NHSL1: variants seen among roughly 807,000 people sequenced by gnomAD.
NHSL1 encodes the protein NHS-like protein 1.
In NHSL1, 48 loss-of-function variants were observed where a neutral mutation model predicts 95.0. That is an observed-to-expected ratio of 0.51 (90% CI 0.40 to 0.64). The LOEUF is 0.64. Among genes scored for constraint, NHSL1 ranks in the 30% least tolerant of loss-of-function variants. The pLI, the probability that NHSL1 is intolerant of heterozygous loss-of-function variation, is 0.00. For missense variants in NHSL1, 1,971 were observed against 2,077.7 expected (o/e 0.95, Z 1.00); for synonymous variants, 783 against 833.9 (o/e 0.94, Z 1.05).
At chr6:138,642,739 G>A (rs887840021) in intron 1 of NHSL1, among the ~76,000 whole-genome samples, 1 of 152,128 alleles carries the variant, frequency 6.6e-6, no homozygotes, top group Non-Finnish European at 1.5e-5. Context: ...GCAGTGAAGA[G>A]GGCGAGCAGC....
chr6:138,606,626 T>C (rs1784436890), intron 1 of NHSL1, among the ~76,000 whole-genome samples: 1 of 152,114 alleles, frequency 6.6e-6, no homozygotes, highest in Non-Finnish European at 1.5e-5. Flanking sequence ...ATGCCATTTA[T>C]TGCCTCCGTG....
chr6:138,555,350 T>A (rs149124601), intron 1 of NHSL1, among the ~76,000 whole-genome samples: 1 of 152,342 alleles, frequency 6.6e-6, no homozygotes, highest in African/African-American at 2.4e-5. Context: ...AGCTATTAAC[T>A]ATAATAAGTC....
At chr6:138,512,388 T>C (rs1345070738) in intron 1 of NHSL1, 3 of 446,700 alleles carry the variant, frequency 6.7e-6, no homozygotes, top group Admixed American at 2.5e-5. Flanking sequence ...TCCGGCACGA[T>C]GTCCCATGTT....
At chr6:138,524,830 A>C (rs1453295710) in intron 1 of NHSL1, among the ~76,000 whole-genome samples, 1 of 152,224 alleles carries the variant, frequency 6.6e-6, no homozygotes, top group Admixed American at 6.5e-5. Flanking sequence ...TGGGCACACA[A>C]AAAAATATTG....
intron 1 of NHSL1, among the ~76,000 whole-genome samples, chr6:138,659,099 G>A (rs927415425): frequency 6.7e-6 from 1 of 149,240 alleles, no homozygotes; most frequent in African/African-American, 2.5e-5. Flanking sequence ...ACCCAGGCTG[G>A]AGTGTAGTGG....
chr6:138,543,286 G>C (rs139817804), intron 1 of NHSL1, among the ~76,000 whole-genome samples: 10 of 152,142 alleles, frequency 6.6e-5, no homozygotes, highest in Admixed American at 5.9e-4. Flanking sequence ...CTCAAATGTT[G>C]CACATACAAA....
At chr6:138,672,024 A>G (rs1785378966) in intron 1 of NHSL1, among the ~76,000 whole-genome samples, 1 of 152,196 alleles carries the variant, frequency 6.6e-6, no homozygotes, top group African/African-American at 2.4e-5. Flanking sequence ...AAAACTAAAA[A>G]ACCACAAAAG....
intron 1 of NHSL1, among the ~76,000 whole-genome samples, chr6:138,639,514 G>C (rs1479798323): frequency 6.6e-6 from 1 of 151,780 alleles, no homozygotes; most frequent in Admixed American, 6.6e-5. Flanking sequence ...ATGGTGGTGG[G>C]CGCCTGTAGC....
chr6:138,645,525 T>TG (rs1785007120), intron 1 of NHSL1, among the ~76,000 whole-genome samples: 1 of 151,140 alleles, frequency 6.6e-6, no homozygotes, highest in African/African-American at 2.4e-5. Flanking sequence ...TTTTTTTTTT[T>TG]GGGACAGAGT....
rs1784410093 is a variant in NHSL1, at chr6:138,604,583, G to A, written c.96+87893C>T. On this transcript the variant is annotated intron_variant, in intron 1 of 3. Coordinates refer to the NHSL1 transcript ENST00000491526. ...AGAACTCAACAATTATCTGGTGAAT[G>A]AATGAATGAATGATGAGTATGTTAT... is the stretch of plus-strand genomic sequence containing the variant. Among the ~76,000 whole-genome samples the A allele has an allele frequency of 2.6e-5, 4 of 152,194 alleles. No individual in the cohort carries two copies. The South Asian group carries it at 6.2e-4, about 24-fold the overall frequency.
chr6:138,541,221 G>A (rs1782567044), intron 1 of NHSL1, among the ~76,000 whole-genome samples: 1 of 152,062 alleles, frequency 6.6e-6, no homozygotes, highest in South Asian at 2.1e-4. Flanking sequence ...ACAAAAATTA[G>A]CCGGACAAGG....
At chr6:138,578,717 A>G (rs150361775) in intron 1 of NHSL1, among the ~76,000 whole-genome samples, 1,577 of 151,676 alleles carry the variant, frequency 0.01, 8 homozygotes, top group Middle Eastern at 0.017. Flanking sequence ...TGTAAATTGT[A>G]TTAAGCACTT....
At chr6:138,438,588 G>A (rs1483888604) in intron 5 of NHSL1, among the ~76,000 whole-genome samples, 1 of 152,122 alleles carries the variant, frequency 6.6e-6, no homozygotes, top group Non-Finnish European at 1.5e-5. Context: ...CTTAGGTGCT[G>A]CTCAAACTTG....
At chr6:138,657,383 CATAGT>C in intron 1 of NHSL1, among the ~76,000 whole-genome samples, 1 of 152,240 alleles carries the variant, frequency 6.6e-6, no homozygotes, top group East Asian at 1.9e-4. Context: ...CACTTGTTAA[CATAGT>C]AAAGAGAGGG....
At chr6:138,671,450 C>CAA (rs549060407) in intron 1 of NHSL1, among the ~76,000 whole-genome samples, 16 of 106,250 alleles carry the variant, frequency 1.5e-4, no homozygotes, top group African/African-American at 4.6e-4. Context: ...AATCTGTCTC[C>CAA]AAAAAAAAAA....
At chr6:138,566,648 T>A (rs1234057749) in intron 1 of NHSL1, among the ~76,000 whole-genome samples, 1 of 151,312 alleles carries the variant, frequency 6.6e-6, no homozygotes, top group Admixed American at 6.6e-5. Flanking sequence ...GCACAAAGTT[T>A]TTAAACTAAA....
At position 138,422,808 on chromosome 6, in the gene NHSL1, T is replaced by C. The variant is rs1345615835; in HGVS notation, c.*1273A>G. The stretch of plus-strand genomic sequence containing the variant: ...AAACCAAATGATGCAAAAAAACCTT[T>C]TTAATCTAAAAATTCATTTCCCAGG... On this transcript the variant is annotated 3_prime_UTR_variant, in exon 8 of 8. Transcript: ENST00000343505. The C allele has an allele frequency of 6.6e-6, 1 of 152,204 alleles. No individual in the cohort carries two copies. Among genetic ancestry groups the C allele is most frequent in the Non-Finnish European group, 1.5e-5 (1 of 68,034 alleles). The allele number at this position is 152,204 out of a possible 1,614,324, so 9.4% of individuals were successfully genotyped here.
At chr6:138,651,959 T>G (rs1297660522) in intron 1 of NHSL1, among the ~76,000 whole-genome samples, 1 of 152,234 alleles carries the variant, frequency 6.6e-6, no homozygotes, top group Non-Finnish European at 1.5e-5. Flanking sequence ...ATGTTAATAC[T>G]GCTTCTATTT....
chr6:138,635,054 T>A (rs1209204076), intron 1 of NHSL1, among the ~76,000 whole-genome samples: 3 of 151,582 alleles, frequency 2.0e-5, no homozygotes, highest in Admixed American at 2.0e-4. Flanking sequence ...GAGGAAAGTT[T>A]ATAGCTACCT....
Sources: gnomAD v4.1 joint callset for allele counts (sites outside exome capture counted in the v4.1 genomes callset) on GRCh38, gnomAD v4.1.1 for gene constraint, MANE v1.5 for transcripts, NCBI Gene and HGNC (gene_info 2026-07-23, HGNC 2026-07-21) for gene names.